ZBTB37: variants seen among roughly 807,000 people sequenced by gnomAD.
The protein encoded by ZBTB37 is zinc finger and BTB domain containing 37, also known as zinc finger and BTB domain-containing protein 37.
In ZBTB37, 15 loss-of-function variants were observed where a neutral mutation model predicts 37.7. The ratio of observed to expected loss-of-function variants is 0.40; its 90% CI spans 0.27 to 0.61. The LOEUF (loss-of-function observed/expected upper bound fraction) is 0.61, where lower values mean the gene tolerates loss of function less well. Ranked by LOEUF, ZBTB37 falls within the 20% of genes least tolerant of loss-of-function variation. The probability of loss-of-function intolerance (pLI) is 0.44; values close to 1 mark genes in which losing one functional copy is unlikely to be tolerated. For synonymous variants in ZBTB37, 231 were observed against 220.6 expected, an observed-to-expected ratio of 1.05 and a Z score of -0.42; for missense variants, 514 against 641.9, an observed-to-expected ratio of 0.80 and a Z score of 2.15.
At chr1:173,900,129 G>A (rs1162480405) in exon 4 of ZBTB37, 1 of 152,186 alleles carries the variant, frequency 6.6e-6, no homozygotes, top group East Asian at 1.9e-4. Flanking sequence ...GATCCTGCCT[G>A]TGGTGATGGT....
At chr1:173,869,793 T>G (rs935453133) in intron 2 of ZBTB37, among the ~76,000 whole-genome samples, 1 of 152,352 alleles carries the variant, frequency 6.6e-6, no homozygotes, top group East Asian at 1.9e-4. Flanking sequence ...TAGAATTGCA[T>G]TTATTCAGAA....
chr1:173,881,800 A>G (rs1406579501), intron 4 of ZBTB37, among the ~76,000 whole-genome samples: 1 of 152,134 alleles, frequency 6.6e-6, no homozygotes, highest in Non-Finnish European at 1.5e-5. Flanking sequence ...CACACCTGCA[A>G]TCCCAGCACT....
At chr1:173,889,101 T>C (rs1213294635), downstream of ZBTB37, 2 of 152,220 alleles carry the variant, frequency 1.3e-5, no homozygotes, top group African/African-American at 4.8e-5. Context: ...TCATGAAAAT[T>C]TAAGGCAGGC....
intron 4 of ZBTB37, among the ~76,000 whole-genome samples, chr1:173,883,602 C>T (rs1258995352): frequency 1.3e-5 from 2 of 152,204 alleles, no homozygotes; most frequent in African/African-American, 4.8e-5. Flanking sequence ...TGTTTTGTCC[C>T]TGGTCACCCA....
At chr1:173,880,058 G>A (rs1200019673) in intron 4 of ZBTB37, among the ~76,000 whole-genome samples, 1 of 152,170 alleles carries the variant, frequency 6.6e-6, no homozygotes, top group African/African-American at 2.4e-5. Flanking sequence ...ATAACTAATG[G>A]GGTGTGGGGG....
chr1:173,896,355 G>A (rs913388741), exon 4 of ZBTB37: 1 of 152,068 alleles, frequency 6.6e-6, no homozygotes, highest in Non-Finnish European at 1.5e-5. Flanking sequence ...GGTGTAGTCT[G>A]CCCTTTATGA....
intron 2 of ZBTB37, among the ~76,000 whole-genome samples, chr1:173,869,730 CATA>C (rs1655394135): frequency 6.6e-6 from 1 of 152,076 alleles, no homozygotes; most frequent in East Asian, 1.9e-4. Flanking sequence ...AAATAATAAA[CATA>C]ATTCTTGCAG....
At chr1:173,873,389 A>G in intron 3 of ZBTB37, 78 bp from the exon 4 acceptor site, 1 of 1,439,142 alleles carries the variant, frequency 6.9e-7, no homozygotes, top group Non-Finnish European at 9.3e-7. Flanking sequence ...CATAGAATAA[A>G]GAGGGGCGAC....
At chr1:173,903,351 A>G in exon 4 of ZBTB37, 1 of 157,924 alleles carries the variant, frequency 6.3e-6, no homozygotes, top group Non-Finnish European at 1.4e-5. Context: ...AAAGCAGTTT[A>G]GCAAAAGCTT....
At chr1:173,886,838 G>C (rs964990246), downstream of ZBTB37, 1 of 152,224 alleles carries the variant, frequency 6.6e-6, no homozygotes, top group East Asian at 1.9e-4. Flanking sequence ...GCTACATTTG[G>C]GGGGCTTGAG....
chr1:173,873,892 T>C (rs1300656221), intron 4 of ZBTB37, among the ~76,000 whole-genome samples: 2 of 152,202 alleles, frequency 1.3e-5, no homozygotes, highest in Non-Finnish European at 2.9e-5. Context: ...GAAAAAGTGA[T>C]AAATTACATG....
At chr1:173,873,006 CAAA>C (rs202221478) in intron 3 of ZBTB37, among the ~76,000 whole-genome samples, 3 of 121,882 alleles carry the variant, frequency 2.5e-5, no homozygotes, top group Non-Finnish European at 3.5e-5. Context: ...GACTCTGTCT[CAAA>C]AAAAAAAAAA....
In ZBTB37 at chr1:173,871,067, A is replaced by G. The variant is rs1557882372; in HGVS notation, c.842A>G (p.His281Arg). 6.2e-7 allele frequency: 1 copy of G among 1,614,186 alleles called. No homozygotes were observed. Among genetic ancestry groups the G allele is most frequent in the Non-Finnish European group, 8.5e-7 (1 of 1,180,034 alleles). The change falls in exon 3 of 5, where the codon CAT (histidine) becomes CGT (arginine). Residue 281 changes from histidine to arginine, a missense_variant. Transcript: ENST00000427304. ...GCCATGGTGATTGATACCACAGGCCATGGTTCTGTAGGACAGGAAAATTAT... is the reference window on the plus strand; with the variant it reads ...GCCATGGTGATTGATACCACAGGCCGTGGTTCTGTAGGACAGGAAAATTAT...
intron 2 of ZBTB37, 108 bp downstream of exon 2, chr1:173,869,228 G>C (rs1655316590): frequency 2.0e-5 from 3 of 152,398 alleles, no homozygotes; most frequent in South Asian, 4.1e-4. Context: ...GTAAGTTCCT[G>C]AAGTTTCAGG....
chr1:173,885,992 G>A (rs1339695543), exon 5 of ZBTB37: 5 of 1,551,604 alleles, frequency 3.2e-6, no homozygotes, highest in Non-Finnish European at 3.5e-6. Flanking sequence ...CCCTGGAGGG[G>A]CCTCACAGCA....
chr1:173,886,294 G>T, exon 5 of ZBTB37: 1 of 1,053,170 alleles, frequency 9.5e-7, no homozygotes, highest in East Asian at 2.7e-5. Flanking sequence ...AGCACTAAAG[G>T]CTCCTCCCTT....
chr1:173,892,538 A>G (rs1309561416), exon 4 of ZBTB37: 3 of 152,210 alleles, frequency 2.0e-5, no homozygotes, highest in African/African-American at 7.2e-5. Context: ...TGATAGTAGT[A>G]TCAAAACCTG....
Position 173,871,216 on chromosome 1 carries a change from G to A in ZBTB37, c.923+68G>A. ...TGTAGACATCACTAAAGTGTCCTCTGTAGTACAGAGAGCATTTTCCTTACC... is the reference window on the plus strand; with the variant it reads ...TGTAGACATCACTAAAGTGTCCTCTATAGTACAGAGAGCATTTTCCTTACC... On this transcript the variant is annotated intron_variant, in intron 3 of 4. Transcript: ENST00000427304. 8 of 1,392,372 alleles carry A rather than the reference G, an allele frequency of 5.7e-6. No individual in the cohort carries two copies. In the South Asian group the frequency reaches 1.2e-4, roughly 20 times the overall value. 86.3% of individuals were successfully genotyped at this position (1,392,372 alleles called of 1,614,324 possible).
rs182805393 is a variant in ZBTB37 at position 173,869,941 on chromosome 1, T to A, written c.-29-256T>A. Among the ~76,000 whole-genome samples, 241 of 152,294 alleles carry A rather than the reference T, an allele frequency of 1.6e-3. 1 individual carries two copies. Among genetic ancestry groups the A allele is most frequent in the Non-Finnish European group, 2.9e-3 (196 of 68,024 alleles). On this transcript the variant is annotated intron_variant, in intron 2 of 4. Transcript: ENST00000427304. Reference sequence around the variant, plus strand: ...GTTTTGATGTTATATAACTTATTAGTAAGGAAAGCATGGTCATAACATGAA... The same window carrying A: ...GTTTTGATGTTATATAACTTATTAGAAAGGAAAGCATGGTCATAACATGAA...
Sources: gnomAD v4.1 joint callset for allele counts (sites outside exome capture counted in the v4.1 genomes callset) on GRCh38, gnomAD v4.1.1 for gene constraint, MANE v1.5 for transcripts, NCBI Gene and HGNC (gene_info 2026-07-23, HGNC 2026-07-21) for gene names.